ITGA9: variants seen among roughly 807,000 people sequenced by gnomAD.
ITGA9 encodes the protein integrin subunit alpha 9, also known as integrin alpha-9.
A neutral mutation model predicts 127.8 loss-of-function variants in ITGA9; 56 were observed. The observed-to-expected ratio is 0.44, with a 90% confidence interval of 0.35 to 0.55. The LOEUF (loss-of-function observed/expected upper bound fraction) is 0.55. Ranked by LOEUF, ITGA9 falls within the 20% of genes least tolerant of loss-of-function variation. The pLI is 0.00. For missense variants in ITGA9, 1,196 were observed against 1,347.1 expected (o/e 0.89, Z 1.76); for synonymous variants, 508 against 514.5 (o/e 0.99, Z 0.17).
chr3:37,562,900 T>C (rs180765766), intron 15 of ITGA9, among the ~76,000 whole-genome samples: 15 of 150,570 alleles, frequency 1.0e-4, no homozygotes, highest in Admixed American at 2.7e-4. Context: ...GCAAGAAATA[T>C]ACATGAATTC....
chr3:37,710,588 C>T (rs1272289734), intron 18 of ITGA9, among the ~76,000 whole-genome samples: 1 of 152,148 alleles, frequency 6.6e-6, no homozygotes, highest in African/African-American at 2.4e-5. Flanking sequence ...GAGATAGATT[C>T]TTTATCTGGG....
intron 18 of ITGA9, among the ~76,000 whole-genome samples, chr3:37,728,237 C>A (rs1696239855): frequency 6.6e-6 from 1 of 152,180 alleles, no homozygotes; most frequent in South Asian, 2.1e-4. Context: ...CCATATGCAT[C>A]CTGGTGGATA....
chr3:37,780,100 G>T, intron 25 of ITGA9, 79 bp downstream of exon 25: 1 of 1,550,374 alleles, frequency 6.5e-7, no homozygotes. Context: ...GTAAAAAAAA[G>T]GAAAAAGGAA....
At chr3:37,653,665 G>T in intron 16 of ITGA9, 49 bp from the exon 17 acceptor site, 1 of 1,341,014 alleles carries the variant, frequency 7.5e-7, no homozygotes, top group Non-Finnish European at 1.1e-6. Flanking sequence ...CTGTGTACTC[G>T]TTTGCCACTC....
chr3:37,751,571 G>T (rs904851225), intron 23 of ITGA9, among the ~76,000 whole-genome samples: 10 of 152,036 alleles, frequency 6.6e-5, no homozygotes, highest in African/African-American at 2.2e-4. Flanking sequence ...AGATTCTGAA[G>T]GTACCCCAAA....
intron 15 of ITGA9, among the ~76,000 whole-genome samples, chr3:37,558,535 T>C (rs990380009): frequency 7.9e-5 from 12 of 152,216 alleles, no homozygotes; most frequent in South Asian, 2.1e-4. Context: ...CAGGTGTGCC[T>C]GGGACAGTCC....
intron 23 of ITGA9, among the ~76,000 whole-genome samples, chr3:37,769,031 T>C (rs1014149460): frequency 6.6e-6 from 1 of 152,152 alleles, no homozygotes; most frequent in Non-Finnish European, 1.5e-5. Flanking sequence ...GCATCTATGC[T>C]TCTGCCTGTT....
intron 17 of ITGA9, among the ~76,000 whole-genome samples, chr3:37,654,199 C>A (rs1700455564): frequency 6.8e-6 from 1 of 146,934 alleles, no homozygotes; most frequent in African/African-American, 2.5e-5. Flanking sequence ...TCCACACACA[C>A]ACACACACAC....
chr3:37,776,610 C>T (rs1028376898), intron 23 of ITGA9, among the ~76,000 whole-genome samples: 6 of 152,164 alleles, frequency 3.9e-5, no homozygotes, highest in African/African-American at 1.2e-4. Flanking sequence ...TCTAACAGTT[C>T]CTCAATTTAA....
intron 26 of ITGA9, among the ~76,000 whole-genome samples, chr3:37,792,992 T>C (rs1173870198): frequency 6.6e-6 from 1 of 152,042 alleles, no homozygotes; most frequent in Non-Finnish European, 1.5e-5. Flanking sequence ...GTGGCTGTCA[T>C]TGCATAAAGA....
intron 11 of ITGA9, among the ~76,000 whole-genome samples, chr3:37,519,677 A>G (rs1245925048): frequency 1.3e-5 from 2 of 152,142 alleles, no homozygotes; most frequent in Non-Finnish European, 2.9e-5. Context: ...TCAACCGTCT[A>G]TGCTAAGGCA....
chr3:37,730,874 A>G (rs1166841728), intron 18 of ITGA9, among the ~76,000 whole-genome samples: 1 of 152,230 alleles, frequency 6.6e-6, no homozygotes, highest in Non-Finnish European at 1.5e-5. Context: ...GGGTGTGTGT[A>G]GAATAGTAGC....
chr3:37,696,258 A>G (rs1559570435), intron 18 of ITGA9, among the ~76,000 whole-genome samples: 1 of 152,218 alleles, frequency 6.6e-6, no homozygotes, highest in Admixed American at 6.5e-5. Flanking sequence ...TCAGCAGGGC[A>G]GAGACCTGAG....
At chr3:37,802,247 G>A (rs939666456) in intron 26 of ITGA9, among the ~76,000 whole-genome samples, 1 of 152,158 alleles carries the variant, frequency 6.6e-6, no homozygotes, top group Admixed American at 6.5e-5. Flanking sequence ...AACTGACACA[G>A]ACAATATTCA....
At chr3:37,465,092 C>T (rs977828680) in intron 1 of ITGA9, among the ~76,000 whole-genome samples, 24 of 152,196 alleles carry the variant, frequency 1.6e-4, no homozygotes, top group African/African-American at 5.5e-4. Context: ...TTTTAATCCC[C>T]AGTTGCTGTC....
rs142025078 is a variant in ITGA9, at chr3:37,517,936, T to C, written c.1141+327T>C. 4.2e-3 allele frequency among the ~76,000 whole-genome samples: 635 copies of C among 152,330 alleles called. 2 individuals carry two copies. The highest frequency in any genetic ancestry group is 0.014 in the Middle Eastern group (4 of 294). On this transcript the variant is annotated intron_variant, in intron 10 of 27. Coordinates refer to ENST00000264741, the MANE Select transcript of ITGA9 (RefSeq NM_002207.3). ...GACTTCTTATGGCAAGAAGTTTGAA[T>C]AGCTTCATCCTGCCATCAACTCTCC...
chr3:37,672,628 G>A (rs922006877), intron 17 of ITGA9, among the ~76,000 whole-genome samples: 1 of 152,152 alleles, frequency 6.6e-6, no homozygotes. Flanking sequence ...ACAGAAGAAA[G>A]CGTATCATAG....
At chr3:37,502,725 A>G (rs904616345) in intron 5 of ITGA9, among the ~76,000 whole-genome samples, 1 of 152,134 alleles carries the variant, frequency 6.6e-6, no homozygotes, top group Non-Finnish European at 1.5e-5. Flanking sequence ...ACTAGTGCAC[A>G]GTTTCCTCTC....
chr3:37,778,133 C>T (rs956020111), intron 24 of ITGA9, among the ~76,000 whole-genome samples: 3 of 152,122 alleles, frequency 2.0e-5, no homozygotes, highest in Non-Finnish European at 2.9e-5. Context: ...AGACAAAAGC[C>T]ACATATTGTA....
Sources: allele counts gnomAD v4.1 joint callset (sites outside exome capture counted in the v4.1 genomes callset), GRCh38; gene constraint gnomAD v4.1.1; transcripts MANE v1.5; gene names NCBI Gene and HGNC (gene_info 2026-07-23, HGNC 2026-07-21).